The following SLIT3 variants were observed in gnomAD, a reference collection of about 807,000 sequenced individuals.
SLIT3 encodes slit homolog 3 protein.
Under a neutral mutation model 184.0 loss-of-function variants are expected in SLIT3, and 68 were observed. The observed-to-expected ratio is 0.37, with a 90% CI of 0.30 to 0.45. The LOEUF (loss-of-function observed/expected upper bound fraction) is 0.45, where lower values mean the gene tolerates loss of function less well. Among genes scored for constraint, SLIT3 ranks in the 20% least tolerant of loss-of-function variants. The pLI, the probability that SLIT3 is intolerant of heterozygous loss-of-function variation, is 1.00. For missense variants in SLIT3, 1,707 were observed against 2,026.0 expected (o/e 0.84, Z 3.02); for synonymous variants, 831 against 828.6 (o/e 1.00, Z -0.05).
chr5:168,945,372 G>A (rs932275088), intron 4 of SLIT3, among the ~76,000 whole-genome samples: 9 of 152,004 alleles, frequency 5.9e-5, no homozygotes, highest in African/African-American at 1.7e-4. Flanking sequence ...CAAGTAGCTG[G>A]GACTACAGGC....
chr5:168,806,375 G>A (rs1380147784), intron 9 of SLIT3, 71 bp downstream of exon 9: 6 of 1,558,000 alleles, frequency 3.9e-6, no homozygotes, highest in Non-Finnish European at 5.3e-6. Flanking sequence ...TGGCCTAGTG[G>A]GTGATGGGCT....
chr5:169,230,562 GTTC>G (rs1486964603), intron 3 of SLIT3, among the ~76,000 whole-genome samples: 1 of 152,146 alleles, frequency 6.6e-6, no homozygotes, highest in African/African-American at 2.4e-5. Context: ...TGGTTTTTCT[GTTC>G]TTTGGAAAAA....
At chr5:169,151,939 T>C (rs1436209134) in intron 4 of SLIT3, among the ~76,000 whole-genome samples, 2 of 152,242 alleles carry the variant, frequency 1.3e-5, no homozygotes, top group African/African-American at 2.4e-5. Flanking sequence ...GAAATGAGGA[T>C]GATCAGAGCA....
At chr5:168,802,574 A>G (rs1416003076) in intron 9 of SLIT3, among the ~76,000 whole-genome samples, 4 of 152,178 alleles carry the variant, frequency 2.6e-5, no homozygotes. Context: ...CATGAAGATG[A>G]GCTACTCCCA....
chr5:168,757,843 C>G (rs770389341), intron 16 of SLIT3, among the ~76,000 whole-genome samples: 1 of 152,190 alleles, frequency 6.6e-6, no homozygotes, highest in African/African-American at 2.4e-5. Context: ...TGTCTTTCAT[C>G]TTTATTTCCT....
At chr5:168,962,399 AT>A (rs1266806916) in intron 4 of SLIT3, among the ~76,000 whole-genome samples, 1 of 152,008 alleles carries the variant, frequency 6.6e-6, no homozygotes, top group Non-Finnish European at 1.5e-5. Context: ...ACAAATAATG[AT>A]TTATGGGAGG....
At chr5:169,218,962 A>T (rs1764535107) in intron 3 of SLIT3, among the ~76,000 whole-genome samples, 1 of 152,218 alleles carries the variant, frequency 6.6e-6, no homozygotes, top group Admixed American at 6.5e-5. Flanking sequence ...CCAATCCTGC[A>T]ACAGTATGTG....
intron 4 of SLIT3, among the ~76,000 whole-genome samples, chr5:169,047,998 GA>G (rs1200703877): frequency 1.3e-5 from 2 of 151,956 alleles, no homozygotes; most frequent in African/African-American, 4.8e-5. Flanking sequence ...GAAGGAGGGG[GA>G]AAAAAAGAGA....
At chr5:169,192,048 C>T (rs1763568619) in intron 4 of SLIT3, among the ~76,000 whole-genome samples, 1 of 152,142 alleles carries the variant, frequency 6.6e-6, no homozygotes, top group Non-Finnish European at 1.5e-5. Context: ...ATTACGTGAG[C>T]ATCTAAGGGC....
chr5:168,933,648 G>A (rs576063411), intron 4 of SLIT3, among the ~76,000 whole-genome samples: 4 of 152,324 alleles, frequency 2.6e-5, no homozygotes, highest in South Asian at 4.1e-4. Context: ...TCCTAAAAGC[G>A]TGGTTAGTAA....
chr5:168,865,268 A>G (rs568706483), intron 5 of SLIT3, among the ~76,000 whole-genome samples: 1 of 152,188 alleles, frequency 6.6e-6, no homozygotes, highest in African/African-American at 2.4e-5. Flanking sequence ...TTGCATTCAC[A>G]CGAGGACTCA....
At position 168,685,571 on chromosome 5, in the gene SLIT3, G is replaced by C. The variant is rs888817228; in HGVS notation, c.3555+116C>G. The stretch of plus-strand genomic sequence containing the variant: ...GTTGGTCCAGATGTCCTCAAGCTGA[G>C]TGTTGTCCCTGATGGTGCTTTACTG... On this transcript the variant is annotated intron_variant, in intron 31 of 35. Transcript: ENST00000519560. 5 of 1,335,128 alleles carry C rather than the reference G, an allele frequency of 3.7e-6. No individual in the cohort carries two copies. The African/African-American group carries it at 7.4e-5, about 20-fold the overall frequency. The allele number at this position is 1,335,128 out of a possible 1,614,324, so 82.7% of individuals were successfully genotyped here.
At chr5:169,168,898 C>T (rs1029639233) in intron 4 of SLIT3, among the ~76,000 whole-genome samples, 1 of 152,136 alleles carries the variant, frequency 6.6e-6, no homozygotes, top group African/African-American at 2.4e-5. Context: ...TGGCCAGAGA[C>T]CCTGCTGGGA....
At chr5:169,000,517 T>C (rs932398042) in intron 4 of SLIT3, among the ~76,000 whole-genome samples, 4 of 144,426 alleles carry the variant, frequency 2.8e-5, no homozygotes, top group African/African-American at 1.0e-4. Context: ...AGAAGAACAA[T>C]AAAAAACTCA....
intron 18 of SLIT3, chr5:168,752,590 T>A (rs1754756363): frequency 5.0e-6 from 1 of 201,938 alleles, no homozygotes; most frequent in Admixed American, 5.3e-5. Flanking sequence ...AGAAGGGGTT[T>A]CACCATGTTG....
chr5:168,759,840 A>T (rs931580962), intron 16 of SLIT3, among the ~76,000 whole-genome samples: 1 of 152,162 alleles, frequency 6.6e-6, no homozygotes, highest in Non-Finnish European at 1.5e-5. Flanking sequence ...CTGGTCTTCG[A>T]GGCACACCTG....
intron 4 of SLIT3, chr5:169,036,432 C>G (rs1411352711): frequency 1.3e-5 from 2 of 152,218 alleles, no homozygotes; most frequent in Non-Finnish European, 2.9e-5. Context: ...AATTATGCAT[C>G]AAATTCTGCT....
chr5:168,976,673 G>A (rs944414306), intron 4 of SLIT3, among the ~76,000 whole-genome samples: 3 of 152,096 alleles, frequency 2.0e-5, no homozygotes, highest in Admixed American at 6.5e-5. Flanking sequence ...TATCCCTGGG[G>A]TTGTCTGTCT....
chr5:168,914,420 G>A (rs1404063643), intron 4 of SLIT3, among the ~76,000 whole-genome samples: 2 of 152,172 alleles, frequency 1.3e-5, no homozygotes, highest in Non-Finnish European at 2.9e-5. Context: ...AGCCACATTG[G>A]CAATAGCAAT....
Sources: gnomAD v4.1 joint callset for allele counts (sites outside exome capture counted in the v4.1 genomes callset) on GRCh38, gnomAD v4.1.1 for gene constraint, MANE v1.5 for transcripts, NCBI Gene and HGNC (gene_info 2026-07-23, HGNC 2026-07-21) for gene names.